Variants in RSF1 observed in about 807,000 individuals in gnomAD.
The protein encoded by RSF1 is HBV pX-associated protein 8.
Under a neutral mutation model 145.2 loss-of-function variants are expected in RSF1, and 13 were observed. That is an observed-to-expected ratio of 0.09 (90% CI 0.06 to 0.14). The LOEUF is 0.14. Ranked by LOEUF, RSF1 falls within the 10% of genes least tolerant of loss-of-function variation. The pLI, the probability that RSF1 is intolerant of heterozygous loss-of-function variation, is 1.00. For missense variants in RSF1, 1,517 were observed against 1,718.2 expected, an observed-to-expected ratio of 0.88 and a Z score of 2.07; for synonymous variants, 577 against 592.6, an observed-to-expected ratio of 0.97 and a Z score of 0.38.
At chr11:77,793,769 C>T (rs190179965) in intron 1 of RSF1, among the ~76,000 whole-genome samples, 10 of 152,288 alleles carry the variant, frequency 6.6e-5, no homozygotes, top group Admixed American at 5.9e-4. Flanking sequence ...CCTCCAGAAG[C>T]TGGGCACTTG....
chr11:77,683,669 T>A, intron 11 of RSF1, 41 bp downstream of exon 11: 1 of 1,364,330 alleles, frequency 7.3e-7, no homozygotes, highest in Non-Finnish European at 1.0e-6. Context: ...ACTTGCAAAA[T>A]AAATCCTCTT....
Position 77,676,941 on chromosome 11 carries a change from A to G in RSF1, c.3192T>C (p.Ser1064=), listed in dbSNP as rs1959722163. 1 of 1,613,808 alleles carries G rather than the reference A, an allele frequency of 6.2e-7. No individual in the cohort carries two copies. The highest frequency in any genetic ancestry group is 1.7e-5 in the Admixed American group (1 of 60,016). The change falls in exon 13 of 16, where the codon TCT becomes TCC. Residue 1064 remains serine (S), a synonymous_variant. Transcript: ENST00000308488. The part of the protein sequence containing the change: ...TITGHRGKDI[S]TILDEERKEN... ...CTTTTCTTTCTTCATCCAAAATAGT[A>G]GAGATGTCTTTCCCACGATGACCTG...
intron 1 of RSF1, among the ~76,000 whole-genome samples, chr11:77,797,817 A>G (rs911081955): frequency 1.3e-4 from 19 of 147,366 alleles, no homozygotes; most frequent in Non-Finnish European, 2.9e-4. Context: ...AATTTACAAG[A>G]AAAAAACAAC....
At chr11:77,831,075 G>T in the RSF1 span, among the ~76,000 whole-genome samples, 1 of 150,992 alleles carries the variant, frequency 6.6e-6, no homozygotes, top group South Asian at 2.1e-4. Flanking sequence ...GGGAGAATTC[G>T]TCGAGGCTTC....
the RSF1 span, among the ~76,000 whole-genome samples, chr11:77,852,242 G>A: frequency 0.48 from 35,007 of 73,204 alleles, 7,325 homozygotes; most frequent in African/African-American, 0.57. Context: ...AAAAAAAAAA[G>A]AAGAAGAAGA....
At chr11:77,766,293 G>A (rs564223328) in intron 1 of RSF1, among the ~76,000 whole-genome samples, 2 of 152,278 alleles carry the variant, frequency 1.3e-5, no homozygotes, top group Middle Eastern at 3.4e-3. Flanking sequence ...AACACTCTGA[G>A]GGACAGGTTG....
chr11:77,744,438 A>G (rs1308689553), intron 3 of RSF1, among the ~76,000 whole-genome samples: 1 of 152,156 alleles, frequency 6.6e-6, no homozygotes, highest in Non-Finnish European at 1.5e-5. Context: ...AGCTAGGTCT[A>G]CAGGTACACG....
At chr11:77,702,536 T>A in intron 5 of RSF1, 41 bp from the exon 6 acceptor site, 2 of 1,344,292 alleles carry the variant, frequency 1.5e-6, no homozygotes, top group Non-Finnish European at 2.0e-6. Context: ...ATAGAAACTT[T>A]CAAGGCTATA....
intron 2 of RSF1, among the ~76,000 whole-genome samples, chr11:77,758,969 A>G (rs1055751258): frequency 3.3e-5 from 5 of 152,250 alleles, no homozygotes; most frequent in Middle Eastern, 3.4e-3. Flanking sequence ...TAACTAATCT[A>G]TTTTTTATGT....
chr11:77,666,888 T>C lies in RSF1; in HGVS notation c.*29A>G. ...CGCTGGTGTGAGAGCTACCGTGGAA[T>C]AAATTAGCACAAAAATGGAAAAAAA... On this transcript the variant is annotated 3_prime_UTR_variant, in exon 16 of 16. Coordinates refer to ENST00000308488, the MANE Select transcript of RSF1 (RefSeq NM_016578.4). 24 of 1,497,492 alleles carry C rather than the reference T, an allele frequency of 1.6e-5. No homozygotes were observed. Among genetic ancestry groups the C allele is most frequent in the Non-Finnish European group, 2.1e-5 (24 of 1,117,704 alleles). 92.8% of individuals were successfully genotyped at this position (1,497,492 alleles called of 1,614,324 possible).
chr11:77,841,117 C>T, the RSF1 span: 11 of 684,616 alleles, frequency 1.6e-5, no homozygotes, highest in East Asian at 2.2e-4. Context: ...GGTGGAAGCA[C>T]CAAGAGAGGG....
At chr11:77,768,320 G>A (rs905974926) in intron 1 of RSF1, among the ~76,000 whole-genome samples, 7 of 151,650 alleles carry the variant, frequency 4.6e-5, no homozygotes, top group African/African-American at 1.5e-4. Flanking sequence ...GCGCCACCAC[G>A]CCTGGCTGAT....
intron 10 of RSF1, among the ~76,000 whole-genome samples, chr11:77,684,042 C>T (rs533509682): frequency 3.3e-5 from 5 of 152,242 alleles, no homozygotes; most frequent in East Asian, 3.9e-4. Flanking sequence ...AAAATTCTGA[C>T]GCTTTTGTGA....
chr11:77,795,564 T>C (rs1284425967), intron 1 of RSF1, among the ~76,000 whole-genome samples: 3 of 152,044 alleles, frequency 2.0e-5, no homozygotes, highest in Admixed American at 1.3e-4. Flanking sequence ...GAAATAAATA[T>C]ATTTACCAGC....
intron 11 of RSF1, among the ~76,000 whole-genome samples, chr11:77,679,255 CGTT>C (rs1959793872): frequency 6.6e-6 from 1 of 152,228 alleles, no homozygotes; most frequent in Admixed American, 6.5e-5. Context: ...TTTGAGGTCA[CGTT>C]GTACAAAAAC....
At chr11:77,743,097 C>T (rs1231767970) in intron 3 of RSF1, among the ~76,000 whole-genome samples, 5 of 152,036 alleles carry the variant, frequency 3.3e-5, no homozygotes, top group East Asian at 1.9e-4. Context: ...TTCCAGTGGT[C>T]GATATATCTG....
Position 77,704,697 on chromosome 11 carries a change from A to G in RSF1, c.734-2202T>C, listed in dbSNP as rs1960501594. Among the ~76,000 whole-genome samples the G allele has an allele frequency of 2.6e-5, 4 of 151,394 alleles. No individual in the cohort carries two copies. The South Asian group carries it at 8.3e-4, about 32-fold the overall frequency. ...TCAACTATTATTCTTCGCTGGTGTC[A>G]TATTTCTTTTATTCTAAAAATGTTA... is the stretch of plus-strand genomic sequence containing the variant. On this transcript the variant is annotated intron_variant, in intron 5 of 15. Transcript: ENST00000308488.
intron 2 of RSF1, 188 bp downstream of exon 2, chr11:77,764,410 G>A (rs1196414666): frequency 1.9e-6 from 1 of 521,046 alleles, no homozygotes; most frequent in African/African-American, 2.0e-5. Context: ...TCTAACTTCA[G>A]GACTCAAGAC....
Position 77,734,412 on chromosome 11 carries a change from A to C in RSF1, c.578+6319T>G, listed in dbSNP as rs1041391085. 1.3e-4 allele frequency: 139 copies of C among 1,094,456 alleles called. 1 individual carries two copies. The highest frequency in any genetic ancestry group is 8.5e-4 in the Middle Eastern group (3 of 3,514). The allele number at this position is 1,094,456 out of a possible 1,614,324, so 67.8% of individuals were successfully genotyped here. A position where few individuals can be genotyped will look rare whatever the true frequency, so the allele number is the denominator to read the frequency against. ...TAGAAAAGGTAAAGGAAACCCCAACATGCATGCACTGCCTTGGTGACCAGG... is the reference window on the plus strand; with the variant it reads ...TAGAAAAGGTAAAGGAAACCCCAACCTGCATGCACTGCCTTGGTGACCAGG... On this transcript the variant is annotated intron_variant, in intron 4 of 15. Transcript: ENST00000308488.
Sources: allele counts gnomAD v4.1 joint callset (sites outside exome capture counted in the v4.1 genomes callset), GRCh38; gene constraint gnomAD v4.1.1; transcripts MANE v1.5; gene names NCBI Gene and HGNC (gene_info 2026-07-23, HGNC 2026-07-21).